Variants in LGR5 observed in about 807,000 individuals in gnomAD.
LGR5 encodes the protein leucine-rich repeat-containing G protein-coupled receptor 5.
LGR5 carries 54 observed loss-of-function variants against 76.7 expected under a neutral mutation model. The observed-to-expected ratio is 0.70, with a 90% confidence interval of 0.57 to 0.88. The LOEUF (loss-of-function observed/expected upper bound fraction) is 0.88, where lower values mean the gene tolerates loss of function less well. Ranked by LOEUF, LGR5 falls within the 40% of genes least tolerant of loss-of-function variation. LGR5 has a pLI of 0.00. For synonymous variants in LGR5, 406 were observed against 421.9 expected, an observed-to-expected ratio of 0.96 and a Z score of 0.46; for missense variants, 1,078 against 1,073.3, an observed-to-expected ratio of 1.00 and a Z score of -0.06.
intron 1 of LGR5, among the ~76,000 whole-genome samples, chr12:71,469,733 C>A (rs957712833): frequency 6.6e-6 from 1 of 152,182 alleles, no homozygotes; most frequent in Non-Finnish European, 1.5e-5. Flanking sequence ...AAGAAATGCC[C>A]CCACTTAACT....
chr12:71,471,266 A>G (rs998012380), intron 1 of LGR5, among the ~76,000 whole-genome samples: 21 of 152,164 alleles, frequency 1.4e-4, no homozygotes, highest in Non-Finnish European at 2.2e-4. Flanking sequence ...CAACTGATGA[A>G]TGGATAAATA....
At chr12:71,486,367 TA>T (rs1158283601) in intron 1 of LGR5, among the ~76,000 whole-genome samples, 1 of 152,064 alleles carries the variant, frequency 6.6e-6, no homozygotes, top group African/African-American at 2.4e-5. Context: ...GAGTGGCTGT[TA>T]AAAAATATTA....
At chr12:71,516,532 A>G (rs1325153798) in intron 2 of LGR5, among the ~76,000 whole-genome samples, 1 of 152,212 alleles carries the variant, frequency 6.6e-6, no homozygotes. Flanking sequence ...CAGATCTTGT[A>G]CACATACCTC....
chr12:71,480,701 C>T (rs534529594), intron 1 of LGR5, among the ~76,000 whole-genome samples: 1 of 152,242 alleles, frequency 6.6e-6, no homozygotes, highest in Admixed American at 6.5e-5. Context: ...GAGAAATAAG[C>T]CTAATCCAGT....
At chr12:71,533,056 G>A (rs1021622371) in intron 3 of LGR5, among the ~76,000 whole-genome samples, 1 of 152,092 alleles carries the variant, frequency 6.6e-6, no homozygotes, top group Non-Finnish European at 1.5e-5. Flanking sequence ...AAATACATAG[G>A]CTGGGCGTGG....
At position 71,440,311 on chromosome 12, in the gene LGR5, C is replaced by G. The variant is rs768059416; in HGVS notation, c.212+19C>G. The G allele has an allele frequency of 1.6e-5, 25 of 1,601,000 alleles. No homozygotes were observed. Among genetic ancestry groups the G allele is most frequent in the Non-Finnish European group, 2.0e-5 (23 of 1,175,190 alleles). Reference sequence around the variant, plus strand: ...CCTACCTGTAAGTACTTCCCCACGTCACTCCGGGAGAGAGACTAAGAGGGG... The same window carrying G: ...CCTACCTGTAAGTACTTCCCCACGTGACTCCGGGAGAGAGACTAAGAGGGG... On this transcript the variant is annotated intron_variant, in intron 1 of 17. Coordinates refer to ENST00000266674, the MANE Select transcript of LGR5 (RefSeq NM_003667.4). This position sits in a 1 kb window ranked among gnomAD's most constrained non-coding sequence, Gnocchi z 5.3.
chr12:71,489,720 A>G (rs138873346), intron 1 of LGR5, among the ~76,000 whole-genome samples: 2 of 152,226 alleles, frequency 1.3e-5, no homozygotes, highest in African/African-American at 4.8e-5. Flanking sequence ...TGTTTCAATA[A>G]CACTCCAAAA....
chr12:71,579,981 A>G (rs1255237082), intron 15 of LGR5, among the ~76,000 whole-genome samples: 1 of 152,134 alleles, frequency 6.6e-6, no homozygotes, highest in East Asian at 1.9e-4. Context: ...TGTTGCTACA[A>G]TTTTTCTTAG....
At chr12:71,550,986 G>C (rs1223941535) in intron 4 of LGR5, among the ~76,000 whole-genome samples, 1 of 152,234 alleles carries the variant, frequency 6.6e-6, no homozygotes, top group Non-Finnish European at 1.5e-5. Context: ...TGTTGCTAGA[G>C]AAAGGAAAGA....
chr12:71,544,684 C>G (rs915475912), intron 4 of LGR5, among the ~76,000 whole-genome samples: 3 of 151,974 alleles, frequency 2.0e-5, no homozygotes, highest in Non-Finnish European at 2.9e-5. Context: ...ACAAATTTAG[C>G]TCCAATGATC....
intron 1 of LGR5, among the ~76,000 whole-genome samples, chr12:71,479,501 T>A (rs1436739869): frequency 1.3e-5 from 2 of 151,896 alleles, no homozygotes; most frequent in African/African-American, 4.8e-5. Flanking sequence ...AGAAAGTAAG[T>A]CAGTAAGTAA....
intron 16 of LGR5, among the ~76,000 whole-genome samples, chr12:71,581,187 A>G (rs1415789449): frequency 6.6e-6 from 1 of 152,234 alleles, no homozygotes; most frequent in Non-Finnish European, 1.5e-5. Context: ...TTCATATTTC[A>G]GCAGAAGGGC....
chr12:71,528,733 C>G (rs973883159), intron 3 of LGR5, among the ~76,000 whole-genome samples: 1 of 152,082 alleles, frequency 6.6e-6, no homozygotes, highest in African/African-American at 2.4e-5. Flanking sequence ...ATTTATTTAT[C>G]TGAGGGTGGC....
Position 71,563,963 on chromosome 12 carries a change from A to T in LGR5, c.857+2111A>T, listed in dbSNP as rs139535440. On this transcript the variant is annotated intron_variant, in intron 8 of 17. Coordinates refer to ENST00000266674, the MANE Select transcript of LGR5 (RefSeq NM_003667.4). ...ACCGTGTATATATGCATATATACGTATCTGTACACACGCACTGTGTATATA... is the reference window on the plus strand; with the variant it reads ...ACCGTGTATATATGCATATATACGTTTCTGTACACACGCACTGTGTATATA... Among the ~76,000 whole-genome samples, 33 of 37,040 alleles carry T rather than the reference A, an allele frequency of 8.9e-4. 4 individuals carry two copies. In the Admixed American group the frequency reaches 9.4e-3, roughly 11 times the overall value. 24.3% of individuals were successfully genotyped at this position (37,040 alleles called of 152,430 possible).
intron 1 of LGR5, among the ~76,000 whole-genome samples, chr12:71,464,885 T>C (rs1872802561): frequency 6.6e-6 from 1 of 152,138 alleles, no homozygotes; most frequent in Non-Finnish European, 1.5e-5. Context: ...AAGAATATCC[T>C]GGGGTGTACC....
intron 1 of LGR5, among the ~76,000 whole-genome samples, chr12:71,500,772 A>AT (rs1312191357): frequency 1.0e-3 from 157 of 152,052 alleles, no homozygotes; most frequent in African/African-American, 3.3e-3. Context: ...AGACATCAAC[A>AT]TTTTTTAAAG....
At position 71,566,391 on chromosome 12, in the gene LGR5, G is replaced by T. The variant is rs771310367; in HGVS notation, c.858-13G>T. The T allele has an allele frequency of 1.9e-6, 3 of 1,546,516 alleles. No homozygotes were observed. Among genetic ancestry groups the T allele is most frequent in the East Asian group, 2.2e-5 (1 of 44,478 alleles). ...TATACTAAGATATTAATTGCTGTTT[G>T]GGTTTCTTTTAGACATTTCTATGAC... On this transcript the variant is annotated splice_polypyrimidine_tract_variant and intron_variant, in intron 8 of 17. Coordinates refer to ENST00000266674, the MANE Select transcript of LGR5 (RefSeq NM_003667.4).
intron 2 of LGR5, among the ~76,000 whole-genome samples, chr12:71,522,386 A>T (rs1369459611): frequency 5.3e-5 from 8 of 152,210 alleles, no homozygotes; most frequent in Non-Finnish European, 1.0e-4. Flanking sequence ...TAGGAAACAA[A>T]GAAATAAAAT....
intron 2 of LGR5, among the ~76,000 whole-genome samples, chr12:71,516,454 C>T (rs1875444300): frequency 6.6e-6 from 1 of 152,096 alleles, no homozygotes. Flanking sequence ...ACCATGGTTT[C>T]CTGCACAATA....
Sources: gnomAD v4.1 joint callset for allele counts (sites outside exome capture counted in the v4.1 genomes callset) on GRCh38, gnomAD v4.1.1 for gene constraint, Gnocchi (gnomAD v3.1) non-coding constraint, MANE v1.5 for transcripts, NCBI Gene and HGNC (gene_info 2026-07-23, HGNC 2026-07-21) for gene names.